The following ABR variants were observed in gnomAD, a reference collection of about 807,000 sequenced individuals.
ABR encodes ABR activator of RhoGEF and GTPase.
Under a neutral mutation model 107.2 loss-of-function variants are expected in ABR, and 35 were observed. The ratio of observed to expected loss-of-function variants is 0.33; its 90% confidence interval spans 0.25 to 0.43. ABR has a LOEUF of 0.43. Ranked by LOEUF, ABR falls within the 20% of genes least tolerant of loss-of-function variation. The pLI is 1.00. For synonymous variants in ABR, 498 were observed against 462.0 expected, an observed-to-expected ratio of 1.08 and a Z score of -1.00; for missense variants, 815 against 1,115.2, an observed-to-expected ratio of 0.73 and a Z score of 3.83.
At chr17:1,017,499 C>T (rs2071253507) in intron 16 of ABR, among the ~76,000 whole-genome samples, 1 of 131,398 alleles carries the variant, frequency 7.6e-6, no homozygotes. Flanking sequence ...GACAGAGTTT[C>T]ACTCTTGTTG....
intron 1 of ABR, chr17:1,185,168 G>C (rs780706535): frequency 6.6e-6 from 1 of 152,226 alleles, no homozygotes; most frequent in Non-Finnish European, 1.5e-5. Flanking sequence ...TGATGATAAA[G>C]TAGAAAGAGA....
At chr17:1,018,491 C>T (rs969110044) in intron 16 of ABR, among the ~76,000 whole-genome samples, 2 of 152,228 alleles carry the variant, frequency 1.3e-5, no homozygotes, top group Non-Finnish European at 2.9e-5. Context: ...CCGATTCACC[C>T]ACAGCCCCTC....
At chr17:1,207,448 G>A (rs553944824) in intron 1 of ABR, among the ~76,000 whole-genome samples, 2 of 151,876 alleles carry the variant, frequency 1.3e-5, no homozygotes, top group African/African-American at 4.8e-5. Flanking sequence ...TCAGGAGTTC[G>A]AGACCAGCCT....
At chr17:1,041,793 C>T (rs1048707070) in intron 16 of ABR, among the ~76,000 whole-genome samples, 5 of 152,052 alleles carry the variant, frequency 3.3e-5, no homozygotes, top group African/African-American at 1.2e-4. Context: ...AGTCAAGGGA[C>T]CAGAGGTTGT....
chr17:1,043,400 C>T (rs1057313516), intron 16 of ABR, among the ~76,000 whole-genome samples: 5 of 152,040 alleles, frequency 3.3e-5, no homozygotes, highest in African/African-American at 9.7e-5. Context: ...AACTCCTGAC[C>T]TCAGGTGATC....
upstream of ABR, among the ~76,000 whole-genome samples, chr17:1,184,325 G>A (rs1409441285): frequency 6.6e-6 from 1 of 151,970 alleles, no homozygotes; most frequent in Non-Finnish European, 1.5e-5. Flanking sequence ...CATGGTGGCG[G>A]GCGCCTGTAG....
At chr17:1,202,472 A>G (rs112115798) in intron 1 of ABR, among the ~76,000 whole-genome samples, 1 of 152,022 alleles carries the variant, frequency 6.6e-6, no homozygotes, top group African/African-American at 2.4e-5. Flanking sequence ...TCTTTCCTAT[A>G]CTCTTCAGCG....
chr17:1,069,323 G>A (rs2035020931), intron 9 of ABR, among the ~76,000 whole-genome samples: 1 of 151,966 alleles, frequency 6.6e-6, no homozygotes, highest in Non-Finnish European at 1.5e-5. Context: ...TTACTTTCAG[G>A]AAAAAAGGCT....
chr17:1,046,698 T>A (rs1355616603), intron 16 of ABR, among the ~76,000 whole-genome samples: 5 of 152,178 alleles, frequency 3.3e-5, no homozygotes, highest in Non-Finnish European at 7.3e-5. Flanking sequence ...GGCTGGGGGA[T>A]TCGTTGACAA....
intron 1 of ABR, among the ~76,000 whole-genome samples, chr17:1,222,994 G>A (rs543096021): frequency 8.5e-5 from 13 of 152,100 alleles, no homozygotes; most frequent in African/African-American, 2.2e-4. Context: ...CTGAGGTCAC[G>A]AGTTCAAGAC....
rs771134935 is a variant in ABR at position 1,083,486 on chromosome 17, G to A, written c.639+34C>T. The stretch of plus-strand genomic sequence containing the variant: ...CTCTGAGCAGCCCCCAAAGCTCCTT[G>A]TCCCTCAGGGTGGCTATGTGGGGAG... On this transcript the variant is annotated intron_variant, in intron 5 of 22. Coordinates refer to ENST00000302538, the MANE Select transcript of ABR (RefSeq NM_021962.5). 4 of 1,513,854 alleles carry A rather than the reference G, an allele frequency of 2.6e-6. No homozygotes were observed. In the East Asian group the frequency reaches 9.1e-5, roughly 35 times the overall value. The allele number at this position is 1,513,854 out of a possible 1,614,324, so 93.8% of individuals were successfully genotyped here.
chr17:1,114,659 G>C (rs1269404840), intron 2 of ABR, among the ~76,000 whole-genome samples: 1 of 152,034 alleles, frequency 6.6e-6, no homozygotes, highest in African/African-American at 2.4e-5. Flanking sequence ...TGTAGTCCCA[G>C]CTACTCAGGA....
intron 16 of ABR, among the ~76,000 whole-genome samples, chr17:1,040,014 C>T (rs553569958): frequency 6.6e-6 from 1 of 152,308 alleles, no homozygotes; most frequent in East Asian, 1.9e-4. Flanking sequence ...CAAGGCCTCC[C>T]TCAGGGCCAG....
chr17:1,075,850 TG>T (rs369906896), intron 6 of ABR, among the ~76,000 whole-genome samples: 195 of 152,294 alleles, frequency 1.3e-3, no homozygotes, highest in African/African-American at 4.5e-3. Context: ...AAGAACAGCC[TG>T]GCCAACATGG....
intron 12 of ABR, among the ~76,000 whole-genome samples, chr17:1,057,310 GTGTGTGTGTGTGT>G (rs2033412826): frequency 5.6e-4 from 1 of 1,796 alleles, no homozygotes; most frequent in Non-Finnish European, 1.4e-3. Context: ...GAAGAGGTTT[GTGTGTGTGTGTGT>G]GTGTGTGTGT....
In ABR at chr17:1,078,036, TC is replaced by T. The variant is rs3842389; in HGVS notation, c.700+1293del. On this transcript the variant is annotated intron_variant, in intron 6 of 22. Transcript: ENST00000302538. The surrounding 1 kb of genome is among the most constrained non-coding windows in gnomAD (Gnocchi z 7.5). ...GATGACATGCACCTGTCCCGGGACT[TC>T]CCCCCAGCCCCCAGCCAGCTGCGGG... Among the ~76,000 whole-genome samples the T allele has an allele frequency of 0.85, 128,810 of 152,006 alleles. 54,986 individuals are homozygous for T. The highest frequency in any genetic ancestry group is 0.95 in the African/African-American group (39,400 of 41,500).
rs943084464 is a variant in ABR at position 1,092,650 on chromosome 17, TG to T, written c.346-801del. Among the ~76,000 whole-genome samples, 1 of 151,758 alleles carries T rather than the reference TG, an allele frequency of 6.6e-6. No individual in the cohort carries two copies. Among genetic ancestry groups the T allele is most frequent in the African/African-American group, 2.4e-5 (1 of 41,314 alleles). On this transcript the variant is annotated intron_variant, in intron 3 of 22. Transcript: ENST00000302538. This position sits in a 1 kb window ranked among gnomAD's most constrained non-coding sequence, Gnocchi z 4.6. ...ACGGGACGTGCAGGCATTTCCTCAGTGTGGTTCTCTGCATTTTATAAATCAC... is the reference window on the plus strand; with the variant it reads ...ACGGGACGTGCAGGCATTTCCTCAGTTGGTTCTCTGCATTTTATAAATCAC...
intron 1 of ABR, among the ~76,000 whole-genome samples, chr17:1,204,635 TATTCAGTATAGTGACCTGCTATACAG>T (rs2042752270): frequency 6.6e-6 from 1 of 152,196 alleles, no homozygotes; most frequent in Non-Finnish European, 1.5e-5. Context: ...CGGCCTATAG[TATTCAGTATAGTGACCTGCTATACAG>T]GTTCGTACCT....
rs2040673754 is a variant in ABR, at chr17:1,148,916, T to C, written c.62-23549A>G. 6.6e-6 allele frequency among the ~76,000 whole-genome samples: 1 copy of C among 152,136 alleles called. No homozygotes were observed. The highest frequency in any genetic ancestry group is 1.5e-5 in the Non-Finnish European group (1 of 68,040). On this transcript the variant is annotated intron_variant, in intron 1 of 22. Coordinates refer to ENST00000302538, the MANE Select transcript of ABR (RefSeq NM_021962.5). The surrounding 1 kb of genome is among the most constrained non-coding windows in gnomAD (Gnocchi z 4.9). ...TGTTTTTTGTTTTTGTTTTTGTTTTTTTTGAGACAGAGTCTCACTCTGTCA... is the reference window on the plus strand; with the variant it reads ...TGTTTTTTGTTTTTGTTTTTGTTTTCTTTGAGACAGAGTCTCACTCTGTCA...
Sources: gnomAD v4.1 joint callset for allele counts (sites outside exome capture counted in the v4.1 genomes callset) on GRCh38, gnomAD v4.1.1 for gene constraint, Gnocchi (gnomAD v3.1) non-coding constraint, MANE v1.5 for transcripts, NCBI Gene and HGNC (gene_info 2026-07-23, HGNC 2026-07-21) for gene names.